The following PCM1 variants were observed in gnomAD, a reference collection of about 807,000 sequenced individuals.
The protein encoded by PCM1 is pericentriolar material 1, also known as pericentriolar material 1 protein.
In PCM1, 157 loss-of-function variants were observed where a neutral mutation model predicts 241.9. That is an observed-to-expected ratio of 0.65 (90% CI 0.57 to 0.74). The LOEUF (loss-of-function observed/expected upper bound fraction) is 0.74, where lower values mean the gene tolerates loss of function less well. Ranked by LOEUF, PCM1 falls within the 30% of genes least tolerant of loss-of-function variation. The pLI is 0.00. For missense variants in PCM1, 3,478 were observed against 2,360.1 expected (o/e 1.47, Z -9.81); for synonymous variants, 1,085 against 784.9 (o/e 1.38, Z -6.39).
At chr8:18,004,094 G>T (rs1259194096) in intron 29 of PCM1, among the ~76,000 whole-genome samples, 1 of 152,052 alleles carries the variant, frequency 6.6e-6, no homozygotes, top group African/African-American at 2.4e-5. Context: ...AGGGAGTGCA[G>T]CCTTCAGTTA....
At chr8:17,969,919 G>A (rs549202189) in intron 22 of PCM1, among the ~76,000 whole-genome samples, 171 bp downstream of exon 22, 3 of 152,174 alleles carry the variant, frequency 2.0e-5, no homozygotes, top group South Asian at 2.1e-4. Context: ...GATACTTCCT[G>A]GTAACCCTGG....
At chr8:17,998,237 T>G (rs1564278597) in intron 29 of PCM1, among the ~76,000 whole-genome samples, 1 of 152,078 alleles carries the variant, frequency 6.6e-6, no homozygotes, top group Non-Finnish European at 1.5e-5. Context: ...CTGTATGGTC[T>G]TGATGTTTGT....
chr8:18,027,315 T>C (rs979724847), intron 38 of PCM1, among the ~76,000 whole-genome samples: 22 of 152,234 alleles, frequency 1.4e-4, no homozygotes, highest in African/African-American at 5.1e-4. Context: ...ATTCTGGTAA[T>C]TTGTTGATAT....
At chr8:17,979,703 G>C (rs1365987040) in intron 23 of PCM1, among the ~76,000 whole-genome samples, 1 of 152,096 alleles carries the variant, frequency 6.6e-6, no homozygotes, top group Non-Finnish European at 1.5e-5. Flanking sequence ...AAATGCATAA[G>C]ATTATTAAAT....
Position 18,011,288 on chromosome 8 carries a change from G to C in PCM1, c.5272G>C (p.Asp1758His), listed in dbSNP as rs751527028. The C allele has an allele frequency of 6.2e-7, 1 of 1,607,348 alleles. No homozygotes were observed. The highest frequency in any genetic ancestry group is 1.1e-5 in the South Asian group (1 of 89,560). ...VKQTQTSEVY[D>H]GPKNVRSDIS... ...GCAGACTCAAACATCTGAGGTGTAT[G>C]ATGGTCCCAAAAATGTAAGATCTGA... Residue 1758 changes from aspartate to histidine, a missense_variant, in exon 33 of 39, where the codon GAT becomes CAT. Asp to His is a moderately conservative substitution (Grantham distance 81). Coordinates refer to ENST00000325083, the MANE Select transcript of PCM1 (RefSeq NM_006197.4).
At chr8:17,930,923 C>G (rs11990383) in intron 2 of PCM1, among the ~76,000 whole-genome samples, 1 of 151,960 alleles carries the variant, frequency 6.6e-6, no homozygotes. Flanking sequence ...ATTTCTTTAG[C>G]TTCATACTAA....
chr8:17,985,050 C>A (rs886763332), intron 24 of PCM1, among the ~76,000 whole-genome samples: 4 of 151,714 alleles, frequency 2.6e-5, no homozygotes, highest in Non-Finnish European at 4.4e-5. Context: ...ATACAAACTT[C>A]CTTTTCTGTA....
chr8:17,932,508 TTATA>T (rs2059336509), intron 2 of PCM1, among the ~76,000 whole-genome samples: 1 of 152,108 alleles, frequency 6.6e-6, no homozygotes, highest in Non-Finnish European at 1.5e-5. Context: ...CAGCTGGACT[TTATA>T]TATTCGTATT....
rs757781073 is a variant in PCM1 at position 17,986,088 on chromosome 8, G to A, written c.4410+1G>A. The A allele has an allele frequency of 1.9e-6, 3 of 1,556,530 alleles. No individual in the cohort carries two copies. Among genetic ancestry groups the A allele is most frequent in the African/African-American group, 2.8e-5 (2 of 72,234 alleles). On this transcript the variant is annotated splice_donor_variant, in intron 26 of 38. Transcript: ENST00000325083. LOFTEE classifies it high-confidence loss of function. ...TGAGAGCCTTGCTACTACTGATGAT[G>A]TAAGCTGATAATGATTAGTGAATTG...
Position 17,967,185 on chromosome 8 carries a change from C to G in PCM1, c.3412+15C>G, listed in dbSNP as rs78481278. On this transcript the variant is annotated intron_variant, in intron 21 of 38. Coordinates refer to ENST00000325083, the MANE Select transcript of PCM1 (RefSeq NM_006197.4). ...ATTTGCACCAGGTAGGTGACTTAAC[C>G]TAAAGAGAAAATAAATAAAAGCAAA... The G allele has an allele frequency of 1.7e-4, 266 of 1,543,812 alleles. 1 individual carries two copies. In the African/African-American group the frequency reaches 3.2e-3, roughly 18 times the overall value.
chr8:17,960,527 G>GTTGTTCTTTTTT, intron 15 of PCM1, 83 bp downstream of exon 15: 2 of 412,976 alleles, frequency 4.8e-6, no homozygotes, highest in East Asian at 5.0e-5. Context: ...TTTTGTTTTT[G>GTTGTTCTTTTTT]TTTTTCTTTT....
chr8:17,991,488 A>T, intron 27 of PCM1, 54 bp from the exon 28 acceptor site: 2 of 1,431,638 alleles, frequency 1.4e-6, no homozygotes, highest in Non-Finnish European at 1.9e-6. Context: ...TTTGAGGAAT[A>T]TATGAAAAAG....
intron 29 of PCM1, among the ~76,000 whole-genome samples, chr8:17,998,330 C>T (rs1182488792): frequency 6.6e-6 from 1 of 152,056 alleles, no homozygotes; most frequent in East Asian, 1.9e-4. Context: ...CTTGTTTGTG[C>T]CCATTCTTCT....
intron 6 of PCM1, among the ~76,000 whole-genome samples, chr8:17,945,379 A>G (rs1424796129): frequency 6.6e-6 from 1 of 152,154 alleles, no homozygotes; most frequent in Non-Finnish European, 1.5e-5. Context: ...AAAACCTCTA[A>G]TAAATATTGG....
chr8:17,925,660 C>A (rs988276502), intron 2 of PCM1: 1 of 152,184 alleles, frequency 6.6e-6, no homozygotes, highest in Non-Finnish European at 1.5e-5. Flanking sequence ...ATGGTGAAAC[C>A]CCATCTCTAC....
intron 29 of PCM1, among the ~76,000 whole-genome samples, chr8:17,997,350 A>AT (rs1415394185): frequency 6.6e-6 from 1 of 152,118 alleles, no homozygotes; most frequent in African/African-American, 2.4e-5. Context: ...CAGTTTGATT[A>AT]TTAAATGCCT....
At position 17,923,147 on chromosome 8, in the gene PCM1, C is replaced by T. The variant is rs563268051; in HGVS notation, c.-132C>T. ...GCCGGCGGCGGGTCGTGGGGGCTGA[C>T]TGTCGCTCTGCCTTTGACAGGAGAG... On this transcript the variant is annotated 5_prime_UTR_variant, in exon 1 of 39. Coordinates refer to ENST00000325083, the MANE Select transcript of PCM1 (RefSeq NM_006197.4). 1.3e-5 allele frequency: 2 copies of T among 152,588 alleles called. No homozygotes were observed. The highest frequency in any genetic ancestry group is 1.3e-4 in the Admixed American group (2 of 15,294). The allele number at this position is 152,588 out of a possible 1,614,324, so 9.5% of individuals were successfully genotyped here. A position where few individuals can be genotyped will look rare whatever the true frequency, so the allele number is the denominator to read the frequency against.
At chr8:17,963,932 G>C (rs2073732911) in intron 17 of PCM1, among the ~76,000 whole-genome samples, 1 of 151,900 alleles carries the variant, frequency 6.6e-6, no homozygotes, top group Non-Finnish European at 1.5e-5. Flanking sequence ...TTCTATTCTT[G>C]GGGTCCCAAT....
intron 36 of PCM1, among the ~76,000 whole-genome samples, chr8:18,020,675 A>T (rs2093678256): frequency 6.6e-6 from 1 of 152,246 alleles, no homozygotes; most frequent in Non-Finnish European, 1.5e-5. Context: ...ATGCTGTAAC[A>T]ACTCAGTATG....
Sources: allele counts gnomAD v4.1 joint callset (sites outside exome capture counted in the v4.1 genomes callset), GRCh38; gene constraint gnomAD v4.1.1; transcripts MANE v1.5; gene names NCBI Gene and HGNC (gene_info 2026-07-23, HGNC 2026-07-21).